Variants in ANKHD1 observed in about 807,000 individuals in gnomAD.
The protein encoded by ANKHD1 is ankyrin repeat and KH domain containing 1, also known as ankyrin repeat and KH domain-containing protein 1.
A neutral mutation model predicts 230.5 loss-of-function variants in ANKHD1; 31 were observed. The ratio of observed to expected loss-of-function variants is 0.13; its 90% CI spans 0.10 to 0.18. The LOEUF is 0.18. Among genes scored for constraint, ANKHD1 ranks in the 10% least tolerant of loss-of-function variants. The probability of loss-of-function intolerance (pLI) is 1.00; values close to 1 mark genes in which losing one functional copy is unlikely to be tolerated. For synonymous variants in ANKHD1, 1,074 were observed against 1,117.6 expected (o/e 0.96, Z 0.78); for missense variants, 2,256 against 3,071.3 (o/e 0.73, Z 6.27).
chr5:140,537,942 C>T, intron 31 of ANKHD1, 144 bp from the exon 32 acceptor site: 1 of 1,318,334 alleles, frequency 7.6e-7, no homozygotes, highest in African/African-American at 1.5e-5. Context: ...TTTTTTTTGG[C>T]TAGCAAGACT....
intron 2 of ANKHD1, 55 bp from the exon 3 acceptor site, chr5:140,438,406 T>C (rs1773610044): frequency 6.8e-7 from 1 of 1,468,902 alleles, no homozygotes; most frequent in Non-Finnish European, 9.1e-7. Context: ...ATTTGCACTT[T>C]TATACTTTTT....
At chr5:140,421,777 T>G (rs1020743390) in intron 1 of ANKHD1, among the ~76,000 whole-genome samples, 27 of 152,208 alleles carry the variant, frequency 1.8e-4, no homozygotes, top group Admixed American at 2.0e-4. Flanking sequence ...GTACTATATT[T>G]TGGTACCTGT....
At chr5:140,522,713 T>C (rs1256583366) in intron 24 of ANKHD1, among the ~76,000 whole-genome samples, 1 of 152,210 alleles carries the variant, frequency 6.6e-6, no homozygotes, top group African/African-American at 2.4e-5. Context: ...ATGCTAGTTC[T>C]GTGTTTAACT....
intron 9 of ANKHD1, among the ~76,000 whole-genome samples, chr5:140,459,649 C>T (rs921798658): frequency 4.0e-5 from 6 of 151,676 alleles, no homozygotes; most frequent in Admixed American, 3.3e-4. Context: ...GTTCTCACCA[C>T]AAATATGTGA....
rs568934877 is a variant in ANKHD1, at chr5:140,449,950, T to C, written c.1242+645T>C. ...ATTTAACTGTTTTTTTAAAGGATAA[T>C]GTAGAATCATACTTTTAATATACAA... On this transcript the variant is annotated intron_variant, in intron 7 of 33. Coordinates refer to ENST00000360839, the MANE Select transcript of ANKHD1 (RefSeq NM_017747.3). 1.4e-3 allele frequency among the ~76,000 whole-genome samples: 214 copies of C among 152,296 alleles called. 1 individual carries two copies. The highest frequency in any genetic ancestry group is 2.5e-3 in the Non-Finnish European group (172 of 68,018).
chr5:140,413,441 C>G (rs1410421193), intron 1 of ANKHD1, among the ~76,000 whole-genome samples: 2 of 152,202 alleles, frequency 1.3e-5, no homozygotes, highest in African/African-American at 4.8e-5. Context: ...CATCAACCAT[C>G]TCCAGAACTT....
chr5:140,475,914 A>C (rs958257636), intron 10 of ANKHD1, among the ~76,000 whole-genome samples: 1 of 152,228 alleles, frequency 6.6e-6, no homozygotes, highest in Non-Finnish European at 1.5e-5. Context: ...TAAACAAACA[A>C]AAAGCAAAAT....
At chr5:140,430,597 T>C (rs1055899871) in intron 1 of ANKHD1, among the ~76,000 whole-genome samples, 1 of 152,102 alleles carries the variant, frequency 6.6e-6, no homozygotes, top group Non-Finnish European at 1.5e-5. Flanking sequence ...ATACAGAATG[T>C]ATACAGAATT....
Position 140,471,454 on chromosome 5 carries a change from G to A in ANKHD1, c.1782+6678G>A, listed in dbSNP as rs1325537122. Among the ~76,000 whole-genome samples, 2 of 152,176 alleles carry A rather than the reference G, an allele frequency of 1.3e-5. 1 individual carries two copies. The highest frequency in any genetic ancestry group is 1.3e-4 in the Admixed American group (2 of 15,258). On this transcript the variant is annotated intron_variant, in intron 10 of 33. Coordinates refer to ENST00000360839, the MANE Select transcript of ANKHD1 (RefSeq NM_017747.3). ...ATAGGGGTAAGGTGGCAGGGAAGAG[G>A]AAGTGAGCCTTAACAGTTAGCTTCT... is the stretch of plus-strand genomic sequence containing the variant.
chr5:140,482,599 G>T lies in ANKHD1; in HGVS notation c.1802G>T (p.Gly601Val). ...GADLEHESEG[G>V]RTPLMKAARA... Reference sequence around the variant, plus strand: ...TAACAGGAACATGAATCTGAAGGTGGAAGAACACCTTTGATGAAAGCTGCA... The same window carrying T: ...TAACAGGAACATGAATCTGAAGGTGTAAGAACACCTTTGATGAAAGCTGCA... The change falls in exon 11 of 34, where the codon GGA (glycine) becomes GTA (valine). Residue 601 changes from glycine (G) to valine (V), a missense_variant. Around this residue, in one of 13 missense-constraint regions of ANKHD1, gnomAD observed 179 missense variants for 261.8 expected, o/e 0.68. Transcript: ENST00000360839. The T allele has an allele frequency of 6.2e-7, 1 of 1,612,654 alleles. No homozygotes were observed. The highest frequency in any genetic ancestry group is 1.3e-5 in the African/African-American group (1 of 74,984).
chr5:140,421,679 C>A (rs1378471514), intron 1 of ANKHD1, among the ~76,000 whole-genome samples: 1 of 152,152 alleles, frequency 6.6e-6, no homozygotes, highest in Non-Finnish European at 1.5e-5. Flanking sequence ...ACTTCCAAGC[C>A]AGTATTGTCA....
At chr5:140,502,883 A>C (rs2127047604) in intron 15 of ANKHD1, among the ~76,000 whole-genome samples, 1 of 152,280 alleles carries the variant, frequency 6.6e-6, no homozygotes, top group East Asian at 1.9e-4. Context: ...AATTATTCCT[A>C]TTTGTAACTA....
intron 1 of ANKHD1, among the ~76,000 whole-genome samples, chr5:140,409,162 A>G (rs901127098): frequency 1.3e-5 from 2 of 152,202 alleles, no homozygotes; most frequent in Admixed American, 6.5e-5. Flanking sequence ...CTGTATTCAA[A>G]CTTAAGGTAA....
chr5:140,471,204 TC>T (rs1776469213), intron 10 of ANKHD1, among the ~76,000 whole-genome samples: 1 of 152,162 alleles, frequency 6.6e-6, no homozygotes, highest in South Asian at 2.1e-4. Context: ...TTTAGTTTCT[TC>T]TATTCTTCCA....
chr5:140,488,792 A>G (rs1428010418), intron 14 of ANKHD1, among the ~76,000 whole-genome samples: 1 of 151,742 alleles, frequency 6.6e-6, no homozygotes, highest in Non-Finnish European at 1.5e-5. Flanking sequence ...TCCAGCTACT[A>G]GGGAAGCTGA....
chr5:140,512,237 CAAAAA>C (rs61129594), intron 22 of ANKHD1, among the ~76,000 whole-genome samples: 1 of 87,974 alleles, frequency 1.1e-5, no homozygotes. Context: ...ACTCCCATCT[CAAAAA>C]AAAAAAAAAA....
Position 140,513,490 on chromosome 5 carries a change from A to G in ANKHD1, c.4317+11A>G. ...CTTGATCTGGAAAAGGTGAGTGGGA[A>G]AAATAATTTTCCTTTTTAGAAATTA... On this transcript the variant is annotated intron_variant, in intron 24 of 33. Coordinates refer to ENST00000360839, the MANE Select transcript of ANKHD1 (RefSeq NM_017747.3). 6.2e-7 allele frequency: 1 copy of G among 1,610,016 alleles called. No homozygotes were observed. Among genetic ancestry groups the G allele is most frequent in the Non-Finnish European group, 8.5e-7 (1 of 1,178,344 alleles).
At chr5:140,456,450 A>G (rs1284193234) in intron 7 of ANKHD1, among the ~76,000 whole-genome samples, 1 of 152,214 alleles carries the variant, frequency 6.6e-6, no homozygotes, top group Non-Finnish European at 1.5e-5. Flanking sequence ...ACGCTACCTG[A>G]CTTCAAACTA....
At chr5:140,457,239 C>CT (rs1775265943) in intron 7 of ANKHD1, among the ~76,000 whole-genome samples, 1 of 152,182 alleles carries the variant, frequency 6.6e-6, no homozygotes, top group Non-Finnish European at 1.5e-5. Flanking sequence ...AATAGGAACA[C>CT]TTTTACACTG....
Sources: gnomAD v4.1 joint callset for allele counts (sites outside exome capture counted in the v4.1 genomes callset) on GRCh38, gnomAD v4.1.1 for gene constraint, gnomAD v4.1.1 regional missense constraint, MANE v1.5 for transcripts, NCBI Gene and HGNC (gene_info 2026-07-23, HGNC 2026-07-21) for gene names.